ZFAND3: variants seen among roughly 807,000 people sequenced by gnomAD.
ZFAND3 encodes the protein AN1-type zinc finger protein 3.
In ZFAND3, 10 loss-of-function variants were observed where a neutral mutation model predicts 29.6. The observed-to-expected ratio is 0.34, with a 90% CI of 0.21 to 0.57. The LOEUF (loss-of-function observed/expected upper bound fraction) is 0.57. ZFAND3 is among the 20% of genes least tolerant of loss of function. The pLI, the probability that ZFAND3 is intolerant of heterozygous loss-of-function variation, is 0.86. For synonymous variants in ZFAND3, 128 were observed against 112.6 expected, an observed-to-expected ratio of 1.14 and a Z score of -0.87; for missense variants, 230 against 304.5, an observed-to-expected ratio of 0.76 and a Z score of 1.82.
At chr6:37,908,035 TC>T (rs1561929925) in intron 1 of ZFAND3, among the ~76,000 whole-genome samples, 1 of 152,184 alleles carries the variant, frequency 6.6e-6, no homozygotes, top group Non-Finnish European at 1.5e-5. Context: ...CTTCTGTAGT[TC>T]CCACCCCGCC....
intron 2 of ZFAND3, among the ~76,000 whole-genome samples, chr6:37,960,151 C>T (rs1408920358): frequency 1.3e-5 from 2 of 152,058 alleles, no homozygotes; most frequent in African/African-American, 2.4e-5. Context: ...TAATAATAGC[C>T]CTACTTATTT....
chr6:38,121,169 C>T lies in ZFAND3; in HGVS notation c.529+4430C>T, dbSNP rs947496002. 7.2e-5 allele frequency among the ~76,000 whole-genome samples: 11 copies of T among 152,106 alleles called. No homozygotes were observed. In the East Asian group the frequency reaches 2.1e-3, roughly 29 times the overall value. On this transcript the variant is annotated intron_variant, in intron 5 of 5. Transcript: ENST00000287218. ...AGGAGTTCAAAACCAGCTTGTTGCC[C>T]GTCTCTATTTTTTGTAGAGATAGGC... is the stretch of plus-strand genomic sequence containing the variant.
chr6:38,070,395 C>T (rs1451490429), intron 3 of ZFAND3, among the ~76,000 whole-genome samples: 1 of 129,476 alleles, frequency 7.7e-6, no homozygotes. Context: ...GCCTGGGCAA[C>T]AAGAATGAAA....
At chr6:37,987,712 T>C (rs1207172058) in intron 2 of ZFAND3, among the ~76,000 whole-genome samples, 1 of 152,176 alleles carries the variant, frequency 6.6e-6, no homozygotes, top group Non-Finnish European at 1.5e-5. Flanking sequence ...TAGCACTTTG[T>C]TGAATCAGGA....
chr6:37,985,528 C>CACACACACACACACA (rs372598964), intron 2 of ZFAND3, among the ~76,000 whole-genome samples: 72 of 127,766 alleles, frequency 5.6e-4, no homozygotes, highest in Non-Finnish European at 1.1e-3. Flanking sequence ...CACACACACA[C>CACACACACACACACA]CCCCACACAC....
intron 2 of ZFAND3, among the ~76,000 whole-genome samples, chr6:38,021,666 TA>T (rs1763354536): frequency 6.6e-6 from 1 of 152,218 alleles, no homozygotes; most frequent in Admixed American, 6.5e-5. Context: ...GGGTGAAAAT[TA>T]GTGATGGTAG....
chr6:38,033,365 A>G (rs1763598121), intron 2 of ZFAND3, among the ~76,000 whole-genome samples: 1 of 152,276 alleles, frequency 6.6e-6, no homozygotes, highest in East Asian at 1.9e-4. Flanking sequence ...TTCTCTGTGT[A>G]AATCAAGTTG....
intron 4 of ZFAND3, 115 bp from the exon 5 acceptor site, chr6:38,116,457 T>A (rs1430586629): frequency 7.9e-7 from 1 of 1,262,764 alleles, no homozygotes; most frequent in African/African-American, 1.5e-5. Flanking sequence ...CTCACCTGTC[T>A]GATTCCTGGA....
intron 1 of ZFAND3, among the ~76,000 whole-genome samples, chr6:37,845,650 C>G (rs1259028936): frequency 6.6e-6 from 1 of 152,206 alleles, no homozygotes; most frequent in Non-Finnish European, 1.5e-5. Context: ...CATGTATCAT[C>G]AGTAGAGCAG....
chr6:37,908,542 T>TAAAAAA (rs70981504), intron 1 of ZFAND3, among the ~76,000 whole-genome samples: 1 of 124,124 alleles, frequency 8.1e-6, no homozygotes, highest in Non-Finnish European at 1.7e-5. Flanking sequence ...AAAAAAAAAT[T>TAAAAAA]AAAAAAAAAA....
intron 2 of ZFAND3, among the ~76,000 whole-genome samples, chr6:37,983,343 CTTTTTTTTTTTTTTT>C (rs70981516): frequency 0.015 from 754 of 50,132 alleles, 29 homozygotes; most frequent in African/African-American, 0.057. Flanking sequence ...CAGTTTTTAT[CTTTTTTTTTTTTTTT>C]TTTTTTTTTT....
At chr6:38,013,434 A>G (rs1763196079) in intron 2 of ZFAND3, among the ~76,000 whole-genome samples, 1 of 152,176 alleles carries the variant, frequency 6.6e-6, no homozygotes, top group South Asian at 2.1e-4. Flanking sequence ...CATATGTTTG[A>G]TATAGTACAT....
In ZFAND3 at chr6:38,133,243, A is replaced by G. The variant is rs145301132; in HGVS notation, c.529+16504A>G. Among the ~76,000 whole-genome samples the G allele has an allele frequency of 3.1e-3, 469 of 152,310 alleles. 7 individuals are homozygous for G. Among genetic ancestry groups the G allele is most frequent in the Non-Finnish European group, 5.7e-4 (39 of 68,022 alleles). On this transcript the variant is annotated intron_variant, in intron 5 of 5. Coordinates refer to ENST00000287218, the MANE Select transcript of ZFAND3 (RefSeq NM_021943.3). Reference sequence around the variant, plus strand: ...TACATGTCTGTCCTTTCTCCAGACCATGAGCACTTAACGATATTCTTCTGC... The same window carrying G: ...TACATGTCTGTCCTTTCTCCAGACCGTGAGCACTTAACGATATTCTTCTGC...
chr6:37,937,512 G>A (rs1347638520), intron 2 of ZFAND3, among the ~76,000 whole-genome samples: 1 of 151,904 alleles, frequency 6.6e-6, no homozygotes, highest in African/African-American at 2.4e-5. Flanking sequence ...AAAATTAGCT[G>A]GGCCTGGTGG....
intron 1 of ZFAND3, among the ~76,000 whole-genome samples, chr6:37,901,126 G>A (rs1337343809): frequency 2.0e-5 from 3 of 152,128 alleles, no homozygotes; most frequent in Non-Finnish European, 2.9e-5. Flanking sequence ...GGAGCAAGCC[G>A]TCCAATTTTT....
chr6:38,149,186 A>G (rs2127498768), intron 5 of ZFAND3, among the ~76,000 whole-genome samples: 1 of 152,098 alleles, frequency 6.6e-6, no homozygotes, highest in East Asian at 2.0e-4. Flanking sequence ...GGCGGGAGGA[A>G]TGCTTGAAGC....
chr6:37,848,307 T>C (rs769542690), intron 1 of ZFAND3, among the ~76,000 whole-genome samples: 7 of 152,252 alleles, frequency 4.6e-5, no homozygotes, highest in Non-Finnish European at 8.8e-5. Context: ...AGATTTGCTT[T>C]TGAGAAGCTA....
At chr6:38,055,368 C>T (rs572304848) in intron 2 of ZFAND3, among the ~76,000 whole-genome samples, 2 of 152,218 alleles carry the variant, frequency 1.3e-5, no homozygotes, top group South Asian at 2.1e-4. Context: ...GAGCTGTTAA[C>T]ATTTTGGGAA....
chr6:37,954,817 A>C (rs2127422222), intron 2 of ZFAND3, among the ~76,000 whole-genome samples: 3 of 152,348 alleles, frequency 2.0e-5, no homozygotes, highest in Middle Eastern at 6.8e-3. Flanking sequence ...TACAATTCAC[A>C]GTCTAGGACT....
Sources: gnomAD v4.1 joint callset for allele counts (sites outside exome capture counted in the v4.1 genomes callset) on GRCh38, gnomAD v4.1.1 for gene constraint, MANE v1.5 for transcripts, NCBI Gene and HGNC (gene_info 2026-07-23, HGNC 2026-07-21) for gene names.